Variants in BNC2 observed in about 807,000 individuals in gnomAD.
BNC2 encodes the protein zinc finger protein basonuclin-2.
BNC2 carries 20 observed loss-of-function variants against 76.3 expected under a neutral mutation model. That is an observed-to-expected ratio of 0.26 (90% CI 0.18 to 0.38). The LOEUF is 0.38. Among genes scored for constraint, BNC2 ranks in the 10% least tolerant of loss-of-function variants. The pLI, the probability that BNC2 is intolerant of heterozygous loss-of-function variation, is 1.00. For missense variants in BNC2, 1,382 were observed against 1,399.8 expected (o/e 0.99, Z 0.20); for synonymous variants, 582 against 514.8 (o/e 1.13, Z -1.77).
At chr9:16,788,358 C>T (rs755758803) in intron 1 of BNC2, among the ~76,000 whole-genome samples, 2 of 151,772 alleles carry the variant, frequency 1.3e-5, no homozygotes, top group Non-Finnish European at 2.9e-5. Flanking sequence ...TCGAGACCAT[C>T]CTGGCTAACA....
intron 3 of BNC2, among the ~76,000 whole-genome samples, chr9:16,663,130 C>CTTTTTTTTTTTTTT (rs71325979): frequency 0.22 from 21,313 of 96,842 alleles, 4,736 homozygotes; most frequent in Non-Finnish European, 0.37. Flanking sequence ...TCTGTTTACT[C>CTTTTTTTTTTTTTT]TTTTTTTTTT....
chr9:16,710,706 A>G (rs527579278), intron 3 of BNC2, among the ~76,000 whole-genome samples: 1 of 151,914 alleles, frequency 6.6e-6, no homozygotes, highest in Admixed American at 6.6e-5. Flanking sequence ...TAAACTATCT[A>G]TTCTTATCAT....
At chr9:16,862,252 A>C (rs530684371) in intron 1 of BNC2, among the ~76,000 whole-genome samples, 2 of 152,342 alleles carry the variant, frequency 1.3e-5, no homozygotes, top group Non-Finnish European at 2.9e-5. Flanking sequence ...AAGTGTAAAC[A>C]ACCCAAATGT....
intron 3 of BNC2, among the ~76,000 whole-genome samples, chr9:16,724,444 A>G (rs1824253758): frequency 6.6e-6 from 1 of 152,066 alleles, no homozygotes; most frequent in Admixed American, 6.5e-5. Flanking sequence ...GATCAAACTG[A>G]TCCAAAGAAG....
intron 5 of BNC2, among the ~76,000 whole-genome samples, chr9:16,550,428 A>G (rs1818623330): frequency 6.6e-6 from 1 of 152,256 alleles, no homozygotes; most frequent in Non-Finnish European, 1.5e-5. Flanking sequence ...TTATACCTGC[A>G]TTAGAGATAT....
At chr9:16,670,186 G>A (rs746087012) in intron 3 of BNC2, among the ~76,000 whole-genome samples, 10 of 151,934 alleles carry the variant, frequency 6.6e-5, no homozygotes, top group Non-Finnish European at 1.5e-5. Context: ...ATACCTATTC[G>A]GGTTCCTAGG....
At chr9:16,693,903 G>A (rs1823257552) in intron 3 of BNC2, among the ~76,000 whole-genome samples, 1 of 152,140 alleles carries the variant, frequency 6.6e-6, no homozygotes, top group African/African-American at 2.4e-5. Flanking sequence ...AATGATCCAG[G>A]TCAACTTGAA....
At chr9:16,851,930 G>A (rs944925166) in intron 1 of BNC2, among the ~76,000 whole-genome samples, 4 of 152,126 alleles carry the variant, frequency 2.6e-5, no homozygotes, top group Admixed American at 1.3e-4. Flanking sequence ...AATTCCACCA[G>A]AGGATGAATA....
At chr9:16,518,923 C>T (rs1817526164) in intron 5 of BNC2, among the ~76,000 whole-genome samples, 1 of 152,122 alleles carries the variant, frequency 6.6e-6, no homozygotes, top group South Asian at 2.1e-4. Context: ...TTTAATAAAA[C>T]CAGAAAACAA....
rs558328805 is a variant in BNC2 at position 16,581,326 on chromosome 9, G to A, written c.433+1657C>T. ...TATAATCCCAGCACTCTGGGAGGCC[G>A]AGGCTGGCAGATCATGAGGTCGGGA... On this transcript the variant is annotated intron_variant, in intron 4 of 6. Transcript: ENST00000380672. Among the ~76,000 whole-genome samples the A allele has an allele frequency of 7.3e-4, 111 of 152,270 alleles. No homozygotes were observed. The Middle Eastern group carries it at 0.02, about 28-fold the overall frequency.
At chr9:16,832,268 T>C (rs1396767997) in intron 1 of BNC2, 1 of 1,283,874 alleles carries the variant, frequency 7.8e-7, no homozygotes, top group Non-Finnish European at 1.0e-6. Context: ...ATCTAGAAGG[T>C]TCTTTGACGT....
chr9:16,710,833 C>T (rs1378292444), intron 3 of BNC2, among the ~76,000 whole-genome samples: 1 of 151,928 alleles, frequency 6.6e-6, no homozygotes, highest in Non-Finnish European at 1.5e-5. Context: ...TTCATGCAAT[C>T]AACTTTTACT....
At chr9:16,617,419 G>A (rs1403173283) in intron 3 of BNC2, among the ~76,000 whole-genome samples, 1 of 151,652 alleles carries the variant, frequency 6.6e-6, no homozygotes. Flanking sequence ...TATGAAAATG[G>A]CCCTATTTTT....
intron 3 of BNC2, among the ~76,000 whole-genome samples, chr9:16,698,618 G>A (rs933187481): frequency 1.1e-4 from 16 of 152,016 alleles, no homozygotes; most frequent in African/African-American, 2.9e-4. Flanking sequence ...GCTTGAACCC[G>A]GGGAAACAGA....
At chr9:16,560,801 T>C (rs970674078) in intron 4 of BNC2, among the ~76,000 whole-genome samples, 17 of 152,206 alleles carry the variant, frequency 1.1e-4, no homozygotes, top group Middle Eastern at 3.2e-3. Context: ...TGCAGAAATT[T>C]AATTAAAGCA....
At chr9:16,820,168 G>A (rs1009338709) in intron 1 of BNC2, among the ~76,000 whole-genome samples, 12 of 143,832 alleles carry the variant, frequency 8.3e-5, no homozygotes, top group Admixed American at 7.2e-4. Flanking sequence ...GCTCACATCT[G>A]TAATCTCAGC....
intron 1 of BNC2, among the ~76,000 whole-genome samples, chr9:16,773,208 A>G (rs139644210): frequency 3.3e-4 from 50 of 152,314 alleles, no homozygotes; most frequent in African/African-American, 1.1e-3. Context: ...GTACACACAC[A>G]TGCACTATGG....
intron 3 of BNC2, among the ~76,000 whole-genome samples, chr9:16,711,949 G>A (rs887401907): frequency 6.6e-6 from 1 of 152,200 alleles, no homozygotes; most frequent in Non-Finnish European, 1.5e-5. Flanking sequence ...CTACAGGATA[G>A]AAGAGCATGT....
intron 1 of BNC2, among the ~76,000 whole-genome samples, chr9:16,833,226 G>A (rs1337087721): frequency 6.6e-6 from 1 of 152,102 alleles, no homozygotes; most frequent in Non-Finnish European, 1.5e-5. Context: ...ATCAGACGAT[G>A]AATAAGATCT....
Sources: gnomAD v4.1 joint callset for allele counts (sites outside exome capture counted in the v4.1 genomes callset) on GRCh38, gnomAD v4.1.1 for gene constraint, MANE v1.5 for transcripts, NCBI Gene and HGNC (gene_info 2026-07-23, HGNC 2026-07-21) for gene names.